API5: variants seen among roughly 807,000 people sequenced by gnomAD.
API5 encodes FIF.
API5 carries 6 observed loss-of-function variants against 71.9 expected under a neutral mutation model. That is an observed-to-expected ratio of 0.08 (90% CI 0.05 to 0.16). The LOEUF is 0.16. API5 is among the 10% of genes least tolerant of loss of function. The pLI is 1.00. For missense variants in API5, 332 were observed against 612.8 expected (o/e 0.54, Z 4.84); for synonymous variants, 189 against 221.3 (o/e 0.85, Z 1.30).
At chr11:43,323,283 C>G (rs988296181) in intron 5 of API5, 147 bp from the exon 6 acceptor site, 2 of 724,786 alleles carry the variant, frequency 2.8e-6, no homozygotes, top group African/African-American at 3.5e-5. Flanking sequence ...TTGACTGAAG[C>G]TAGAAGTTGC....
rs775969931 is a variant in API5, at chr11:43,335,336, T to A, written c.1337T>A (p.Val446Glu). 6.3e-7 allele frequency: 1 copy of A among 1,593,290 alleles called. No homozygotes were observed. The highest frequency in any genetic ancestry group is 2.2e-5 in the East Asian group (1 of 44,770). Residue 446 changes from valine to glutamate, a missense_variant, in exon 12 of 14, where the codon GTA becomes GAA. By Grantham distance (121) the Val-to-Glu change is moderately radical. Coordinates refer to ENST00000531273, the MANE Select transcript of API5 (RefSeq NM_001142930.2). ...ACAGTAACACTATCCTGGAAACCTG[T>A]ACAAAAGGTTGAGATTGGGTAAGAA... is the stretch of plus-strand genomic sequence containing the variant. ...KSTVTLSWKP[V>E]QKVEIGQKRA...
chr11:43,320,975 T>C, intron 3 of API5, 61 bp downstream of exon 3: 1 of 1,433,210 alleles, frequency 7.0e-7, no homozygotes, highest in Non-Finnish European at 9.7e-7. Flanking sequence ...AAATGTTGAC[T>C]CTGTTTTTAG....
chr11:43,316,992 TTAACA>T (rs1854695386), intron 1 of API5, among the ~76,000 whole-genome samples: 1 of 152,214 alleles, frequency 6.6e-6, no homozygotes, highest in Admixed American at 6.5e-5. Context: ...ATTTTTTCAC[TTAACA>T]TAGCATTATC....
chr11:43,317,766 C>T (rs569144783), intron 1 of API5, among the ~76,000 whole-genome samples: 16 of 152,078 alleles, frequency 1.1e-4, no homozygotes, highest in African/African-American at 3.9e-4. Context: ...CAACCTCTGC[C>T]TCCTGGGTTC....
At position 43,330,158 on chromosome 11, in the gene API5, A is replaced by C; in HGVS notation, c.1221+100A>C. On this transcript the variant is annotated intron_variant, in intron 10 of 13. Coordinates refer to ENST00000531273, the MANE Select transcript of API5 (RefSeq NM_001142930.2). ...CATTTTCCCTTATCTCACCTAATTT[A>C]ACAGTCTTCATCCCAGTCCTAATGA... The C allele has an allele frequency of 5.5e-6, 5 of 906,122 alleles. No homozygotes were observed. In the South Asian group the frequency reaches 6.1e-5, roughly 11 times the overall value. The allele number at this position is 906,122 out of a possible 1,614,324, so 56.1% of individuals were successfully genotyped here. A position where few individuals can be genotyped will look rare whatever the true frequency, so the allele number is the denominator to read the frequency against.
chr11:43,326,693 T>A, intron 7 of API5, 82 bp downstream of exon 7: 3 of 792,166 alleles, frequency 3.8e-6, no homozygotes, highest in Non-Finnish European at 6.4e-6. Flanking sequence ...TAGATCCGAT[T>A]TCTAAGGGAG....
At chr11:43,313,476 A>G (rs1274041776) in intron 1 of API5, among the ~76,000 whole-genome samples, 2 of 152,156 alleles carry the variant, frequency 1.3e-5, no homozygotes, top group Non-Finnish European at 2.9e-5. Flanking sequence ...CTGCTTACGC[A>G]TCCCTTCTTG....
At chr11:43,314,128 G>A (rs1353952915) in intron 1 of API5, among the ~76,000 whole-genome samples, 3 of 151,954 alleles carry the variant, frequency 2.0e-5, no homozygotes, top group East Asian at 3.9e-4. Context: ...CAAACTATGT[G>A]TGGTCAATCA....
chr11:43,318,005 G>GTTT (rs373123571), intron 1 of API5, among the ~76,000 whole-genome samples: 3 of 35,404 alleles, frequency 8.5e-5, no homozygotes, highest in Admixed American at 6.1e-4. Context: ...TTGTTTGTTT[G>GTTT]TTTTGTTTTG....
rs5743241 is a variant in API5 at position 43,328,438 on chromosome 11, A to G, written c.946-274A>G. 4.5e-3 allele frequency among the ~76,000 whole-genome samples: 679 copies of G among 152,350 alleles called. 1 individual carries two copies. The highest frequency in any genetic ancestry group is 0.016 in the African/African-American group (655 of 41,572). On this transcript the variant is annotated intron_variant, in intron 8 of 13. Coordinates refer to ENST00000531273, the MANE Select transcript of API5 (RefSeq NM_001142930.2). ...GGAAGGTTACCCTAACTCTCAGAGC[A>G]TCAGTGCCTTTATCTGTAAGTGCCT...
At chr11:43,329,261 C>G (rs1855171910) in intron 9 of API5, 1 of 177,066 alleles carries the variant, frequency 5.6e-6, no homozygotes, top group Non-Finnish European at 1.2e-5. Flanking sequence ...GGGAGGCTCA[C>G]TTGAGCCCAG....
chr11:43,335,524 C>G (rs1855403993), intron 12 of API5, among the ~76,000 whole-genome samples, 170 bp downstream of exon 12: 1 of 151,986 alleles, frequency 6.6e-6, no homozygotes, highest in Admixed American at 6.6e-5. Flanking sequence ...TAAAAATAAA[C>G]TGGTGGGAGG....
intron 8 of API5, 151 bp downstream of exon 8, chr11:43,328,029 T>C: frequency 2.1e-6 from 1 of 480,668 alleles, no homozygotes; most frequent in East Asian, 3.4e-5. Flanking sequence ...CCACATGTTG[T>C]TGTCTACTTT....
intron 1 of API5, among the ~76,000 whole-genome samples, chr11:43,317,958 G>A (rs1327115600): frequency 6.6e-6 from 1 of 151,860 alleles, no homozygotes; most frequent in Non-Finnish European, 1.5e-5. Flanking sequence ...TTACAGGCAT[G>A]AGCCACCACA....
intron 12 of API5, 129 bp from the exon 13 acceptor site, chr11:43,335,729 A>C (rs1357992304): frequency 1.9e-6 from 2 of 1,074,862 alleles, no homozygotes; most frequent in Admixed American, 3.2e-5. Context: ...TCAAATGTTA[A>C]TTCCTTTTTT....
chr11:43,342,458 G>C lies in API5; in HGVS notation c.1523G>C (p.Gly508Ala). The C allele has an allele frequency of 6.2e-7, 1 of 1,612,232 alleles. No homozygotes were observed. The highest frequency in any genetic ancestry group is 8.5e-7 in the Non-Finnish European group (1 of 1,178,854). ...EQRGAFRGSR[G>A]GRGWGTRGNR... ...AGAGGAGCCTTCAGGGGAAGTAGAG[G>C]TGGCCGAGGTTGGGGCACACGAGGA... The change falls in exon 14 of 14, where the codon GGT becomes GCT. Residue 508 changes from glycine to alanine, a missense_variant. Transcript: ENST00000531273.
Position 43,319,776 on chromosome 11 carries a change from G to A in API5, c.231+975G>A, listed in dbSNP as rs1854803551. ...ATCAGTATTTGGAATTAAACATGCA[G>A]AATATAGCCACAAATGTTGTATTTA... is the stretch of plus-strand genomic sequence containing the variant. On this transcript the variant is annotated intron_variant, in intron 2 of 13. Transcript: ENST00000531273. Among the ~76,000 whole-genome samples the A allele has an allele frequency of 2.0e-5, 3 of 152,142 alleles. No homozygotes were observed. In the South Asian group the frequency reaches 6.2e-4, roughly 31 times the overall value.
At chr11:43,323,301 T>C in intron 5 of API5, 129 bp from the exon 6 acceptor site, 1 of 895,316 alleles carries the variant, frequency 1.1e-6, no homozygotes, top group South Asian at 1.7e-5. Flanking sequence ...TGCCTTTTCG[T>C]CAGTATTTTG....
chr11:43,315,756 C>T (rs1207646915), intron 1 of API5, among the ~76,000 whole-genome samples: 1 of 152,106 alleles, frequency 6.6e-6, no homozygotes, highest in Non-Finnish European at 1.5e-5. Flanking sequence ...TCCTTCAGGT[C>T]TCACTCTTCT....
Sources: gnomAD v4.1 joint callset for allele counts (sites outside exome capture counted in the v4.1 genomes callset) on GRCh38, gnomAD v4.1.1 for gene constraint, MANE v1.5 for transcripts, NCBI Gene and HGNC (gene_info 2026-07-23, HGNC 2026-07-21) for gene names.